Variants in PLPPR5 observed in about 807,000 individuals in gnomAD.
The protein encoded by PLPPR5 is phospholipid phosphatase-related protein type 5.
Under a neutral mutation model 33.9 loss-of-function variants are expected in PLPPR5, and 16 were observed. The ratio of observed to expected loss-of-function variants is 0.47; its 90% confidence interval spans 0.32 to 0.72. PLPPR5 has a LOEUF of 0.72. Among genes scored for constraint, PLPPR5 ranks in the 30% least tolerant of loss-of-function variants. PLPPR5 has a pLI of 0.03. For missense variants in PLPPR5, 301 were observed against 406.7 expected (o/e 0.74, Z 2.23); for synonymous variants, 163 against 150.3 (o/e 1.08, Z -0.62).
intron 1 of PLPPR5, among the ~76,000 whole-genome samples, chr1:98,960,514 T>C (rs1182216837): frequency 6.6e-6 from 1 of 152,208 alleles, no homozygotes; most frequent in Non-Finnish European, 1.5e-5. Context: ...TGCTCTCAGA[T>C]AAATTCAAAT....
intron 4 of PLPPR5, among the ~76,000 whole-genome samples, chr1:98,917,836 T>C (rs2101156390): frequency 6.6e-6 from 1 of 152,366 alleles, no homozygotes; most frequent in African/African-American, 2.4e-5. Flanking sequence ...GTTCCACAAA[T>C]GCAAAGATGC....
intron 1 of PLPPR5, among the ~76,000 whole-genome samples, chr1:98,963,335 A>T (rs1485902629): frequency 1.3e-5 from 2 of 152,226 alleles, no homozygotes; most frequent in Non-Finnish European, 2.9e-5. Context: ...ATATGCGTTT[A>T]TAAGTATCAG....
intron 3 of PLPPR5, among the ~76,000 whole-genome samples, chr1:98,947,335 GA>G (rs1484278376): frequency 1.3e-5 from 2 of 152,128 alleles, no homozygotes; most frequent in Non-Finnish European, 2.9e-5. Context: ...TGAAGAACCA[GA>G]AAACCATTAT....
chr1:98,997,940 G>A (rs1360685728), intron 1 of PLPPR5, among the ~76,000 whole-genome samples: 1 of 152,154 alleles, frequency 6.6e-6, no homozygotes, highest in Non-Finnish European at 1.5e-5. Flanking sequence ...AGCAATGAAA[G>A]ACAGAGGGAG....
chr1:98,927,229 G>C (rs996014663), intron 3 of PLPPR5, among the ~76,000 whole-genome samples: 4 of 152,196 alleles, frequency 2.6e-5, no homozygotes, highest in African/African-American at 9.6e-5. Flanking sequence ...ATAGAAATGG[G>C]ATGGGAGGAA....
At chr1:98,973,486 A>G (rs142209316) in intron 1 of PLPPR5, among the ~76,000 whole-genome samples, 2 of 152,126 alleles carry the variant, frequency 1.3e-5, no homozygotes, top group African/African-American at 4.8e-5. Context: ...AAGCAAAGCT[A>G]AACAGAGTGG....
chr1:98,983,944 T>C (rs1257891913), intron 1 of PLPPR5, among the ~76,000 whole-genome samples: 1 of 140,990 alleles, frequency 7.1e-6, no homozygotes, highest in Non-Finnish European at 1.6e-5. Context: ...GGTTGTTTTT[T>C]TCTTTTTTTT....
intron 1 of PLPPR5, among the ~76,000 whole-genome samples, chr1:98,984,276 C>T (rs1316376524): frequency 6.6e-6 from 1 of 152,002 alleles, no homozygotes; most frequent in African/African-American, 2.4e-5. Context: ...ATGACCCAAC[C>T]CTGCAGTCTT....
At chr1:98,998,551 T>C (rs72732436) in intron 1 of PLPPR5, among the ~76,000 whole-genome samples, 2,899 of 152,278 alleles carry the variant, frequency 0.019, 41 homozygotes, top group Non-Finnish European at 0.028. Flanking sequence ...AGCAGGAACA[T>C]TGAAATCGAG....
chr1:98,920,408 G>A (rs1298390114), intron 4 of PLPPR5, among the ~76,000 whole-genome samples: 1 of 148,288 alleles, frequency 6.7e-6, no homozygotes, highest in Non-Finnish European at 1.5e-5. Flanking sequence ...GTTTGTTGTT[G>A]GTTTTGCTTT....
At chr1:99,004,360 T>A (rs1652984205) in intron 1 of PLPPR5, 75 bp downstream of exon 1, 2 of 1,305,672 alleles carry the variant, frequency 1.5e-6, no homozygotes, top group Admixed American at 4.5e-5. Flanking sequence ...CCCCAACCCT[T>A]AGAGGGGCCT....
intron 1 of PLPPR5, among the ~76,000 whole-genome samples, chr1:98,980,669 A>G (rs1317943932): frequency 6.6e-6 from 1 of 152,108 alleles, no homozygotes; most frequent in Non-Finnish European, 1.5e-5. Context: ...AGCAATATAT[A>G]GGTGTATATG....
At chr1:98,957,859 T>G (rs969773226) in intron 1 of PLPPR5, among the ~76,000 whole-genome samples, 1 of 152,218 alleles carries the variant, frequency 6.6e-6, no homozygotes, top group Admixed American at 6.5e-5. Flanking sequence ...TCTACTCTGT[T>G]GACTTATTAA....
chr1:98,982,959 T>C lies in PLPPR5; in HGVS notation c.237+21476A>G, dbSNP rs565241352. ...CTTGGATTAGGTACCAAGAGTTAGT[T>C]TGTGCTGCGAGAGAGCGCATAACCT... On this transcript the variant is annotated intron_variant, in intron 1 of 5. Transcript: ENST00000263177. Among the ~76,000 whole-genome samples, 5 of 152,192 alleles carry C rather than the reference T, an allele frequency of 3.3e-5. No homozygotes were observed. In the East Asian group the frequency reaches 5.8e-4, roughly 18 times the overall value.
intron 1 of PLPPR5, among the ~76,000 whole-genome samples, chr1:98,987,793 A>G (rs1225972988): frequency 6.6e-6 from 1 of 151,996 alleles, no homozygotes; most frequent in African/African-American, 2.4e-5. Context: ...CTAATAAAGA[A>G]TTATGCATTT....
chr1:98,923,357 A>C (rs559801986), intron 3 of PLPPR5, among the ~76,000 whole-genome samples: 3 of 152,328 alleles, frequency 2.0e-5, no homozygotes, highest in African/African-American at 7.2e-5. Flanking sequence ...TGGTATTGAT[A>C]ATATACTCAG....
intron 1 of PLPPR5, among the ~76,000 whole-genome samples, chr1:98,997,675 T>C (rs1652679414): frequency 6.6e-6 from 1 of 152,216 alleles, no homozygotes; most frequent in African/African-American, 2.4e-5. Context: ...ATAAAAATCT[T>C]ACTCATTTTT....
chr1:98,915,333 T>G (rs1649303122), intron 4 of PLPPR5, among the ~76,000 whole-genome samples: 1 of 152,180 alleles, frequency 6.6e-6, no homozygotes, highest in Non-Finnish European at 1.5e-5. Context: ...ATTGCTTCAG[T>G]ATCATTATAT....
chr1:98,961,960 C>G (rs1570736851), intron 1 of PLPPR5, among the ~76,000 whole-genome samples: 1 of 152,304 alleles, frequency 6.6e-6, no homozygotes. Flanking sequence ...TCTCCATCCA[C>G]CTATTAAACA....
Sources: gnomAD v4.1 joint callset for allele counts (sites outside exome capture counted in the v4.1 genomes callset) on GRCh38, gnomAD v4.1.1 for gene constraint, MANE v1.5 for transcripts, NCBI Gene and HGNC (gene_info 2026-07-23, HGNC 2026-07-21) for gene names.